The following AGMO variants were observed in gnomAD, a reference collection of about 807,000 sequenced individuals.
AGMO encodes the protein alkylglycerol monooxygenase.
AGMO carries 75 observed loss-of-function variants against 60.2 expected under a neutral mutation model. That is an observed-to-expected ratio of 1.25 (90% CI 1.03 to 1.51). AGMO has a LOEUF of 1.51. AGMO is among the 40% of genes most tolerant of loss of function. The probability of loss-of-function intolerance (pLI) is 0.00; values close to 1 mark genes in which losing one functional copy is unlikely to be tolerated. For missense variants in AGMO, 763 were observed against 525.5 expected, an observed-to-expected ratio of 1.45 and a Z score of -4.42; for synonymous variants, 261 against 177.1, an observed-to-expected ratio of 1.47 and a Z score of -3.76.
chr7:15,531,347 CTATATATATTCTATAT>C (rs1562557055), intron 3 of AGMO, among the ~76,000 whole-genome samples: 54 of 51,250 alleles, frequency 1.1e-3, no homozygotes, highest in African/African-American at 5.0e-3. Flanking sequence ...TATATATATT[CTATATATATTCTATAT>C]ATATATTCTA....
At chr7:15,452,477 TA>T (rs879883448) in intron 3 of AGMO, among the ~76,000 whole-genome samples, 1 of 152,120 alleles carries the variant, frequency 6.6e-6, no homozygotes, top group Non-Finnish European at 1.5e-5. Flanking sequence ...AGTAAGCACA[TA>T]AAAAATGCAT....
downstream of AGMO, among the ~76,000 whole-genome samples, chr7:15,199,499 AT>A (rs1781218726): frequency 6.6e-6 from 1 of 152,206 alleles, no homozygotes; most frequent in African/African-American, 2.4e-5. Context: ...TCCTTGGGGA[AT>A]CATTAAGCTC....
intron 3 of AGMO, among the ~76,000 whole-genome samples, chr7:15,507,394 T>C (rs1783542931): frequency 6.6e-6 from 1 of 151,974 alleles, no homozygotes; most frequent in South Asian, 2.1e-4. Flanking sequence ...AAAGTCAAAC[T>C]TGAATCTTAT....
chr7:15,503,969 G>A (rs536670192), intron 3 of AGMO, among the ~76,000 whole-genome samples: 135 of 152,036 alleles, frequency 8.9e-4, no homozygotes, highest in African/African-American at 3.2e-3. Context: ...CTGATTCTGC[G>A]TAATTCTGAA....
the AGMO span, among the ~76,000 whole-genome samples, chr7:15,190,732 A>G: frequency 1.3e-5 from 2 of 152,170 alleles, no homozygotes; most frequent in Non-Finnish European, 2.9e-5. Flanking sequence ...TCTGATCAAA[A>G]CAGAAAGAGT....
chr7:15,236,578 T>A (rs761791749), intron 12 of AGMO, among the ~76,000 whole-genome samples: 1 of 152,110 alleles, frequency 6.6e-6, no homozygotes, highest in Non-Finnish European at 1.5e-5. Flanking sequence ...AATAATCAGT[T>A]ATAAGGCTGA....
chr7:15,117,563 T>G, the AGMO span, among the ~76,000 whole-genome samples: 1 of 151,972 alleles, frequency 6.6e-6, no homozygotes, highest in Non-Finnish European at 1.5e-5. Context: ...AAAAATTACC[T>G]ACTGGGTACA....
At chr7:15,294,115 G>A (rs1583373713) in intron 12 of AGMO, among the ~76,000 whole-genome samples, 1 of 152,072 alleles carries the variant, frequency 6.6e-6, no homozygotes, top group Non-Finnish European at 1.5e-5. Context: ...AATAAAGCAG[G>A]TTTTTCAAAC....
At chr7:15,188,339 G>A in the AGMO span, among the ~76,000 whole-genome samples, 1 of 152,142 alleles carries the variant, frequency 6.6e-6, no homozygotes, top group South Asian at 2.1e-4. Flanking sequence ...TTATTGTGAG[G>A]ATCACATGAG....
chr7:15,459,744 G>C (rs1767663052), intron 3 of AGMO, among the ~76,000 whole-genome samples: 1 of 151,786 alleles, frequency 6.6e-6, no homozygotes, highest in Non-Finnish European at 1.5e-5. Context: ...GACTGTATTT[G>C]ACTCAGTTTA....
intron 3 of AGMO, among the ~76,000 whole-genome samples, chr7:15,459,238 G>A (rs771532289): frequency 6.6e-6 from 1 of 152,140 alleles, no homozygotes; most frequent in Admixed American, 6.5e-5. Context: ...ATCACCCAAT[G>A]AGTTGTTTTG....
intron 3 of AGMO, among the ~76,000 whole-genome samples, chr7:15,470,008 A>C (rs1301349087): frequency 6.6e-6 from 1 of 152,032 alleles, no homozygotes; most frequent in Non-Finnish European, 1.5e-5. Context: ...AACAGCAAAA[A>C]CCCAATAAAA....
the AGMO span, among the ~76,000 whole-genome samples, chr7:15,144,176 G>GT: frequency 2.0e-5 from 3 of 151,778 alleles, no homozygotes; most frequent in Non-Finnish European, 4.4e-5. Flanking sequence ...GATTCTGTGG[G>GT]TTTTTTTTCT....
chr7:15,148,887 T>C, the AGMO span, among the ~76,000 whole-genome samples: 1 of 152,064 alleles, frequency 6.6e-6, no homozygotes, highest in Non-Finnish European at 1.5e-5. Context: ...TTGAGAAAAC[T>C]CCGAACTGCT....
intron 3 of AGMO, among the ~76,000 whole-genome samples, chr7:15,530,660 CGTATTTCTATATATATATTCTATATAT>C (rs1562555955): frequency 2.0e-4 from 25 of 126,070 alleles, no homozygotes; most frequent in African/African-American, 5.6e-4. Flanking sequence ...ATTCTATATA[CGTATTTCTATATATATATTCTATATAT>C]GTATTTCTAC....
At chr7:15,502,959 A>G (rs1783425021) in intron 3 of AGMO, among the ~76,000 whole-genome samples, 1 of 151,896 alleles carries the variant, frequency 6.6e-6, no homozygotes, top group Non-Finnish European at 1.5e-5. Flanking sequence ...AATAAAAATG[A>G]TTTCCCTCAC....
chr7:15,500,437 G>A lies in AGMO; in HGVS notation c.409+44335C>T, dbSNP rs540056084. On this transcript the variant is annotated intron_variant, in intron 3 of 12. Transcript: ENST00000342526. ...AGATTTTTAAAAAGTAATCCAAGAA[G>A]GAAAACCCTACAGTATTTATTTTTA... Among the ~76,000 whole-genome samples the A allele has an allele frequency of 2.0e-5, 3 of 151,794 alleles. No homozygotes were observed. The South Asian group carries it at 6.2e-4, about 32-fold the overall frequency.
At chr7:15,541,949 AT>A (rs1252846317) in intron 3 of AGMO, among the ~76,000 whole-genome samples, 3 of 152,092 alleles carry the variant, frequency 2.0e-5, no homozygotes, top group Non-Finnish European at 2.9e-5. Context: ...GTAGGATTTG[AT>A]TTTTTTCTTA....
At chr7:15,282,497 C>G (rs1783995975) in intron 12 of AGMO, among the ~76,000 whole-genome samples, 1 of 152,006 alleles carries the variant, frequency 6.6e-6, no homozygotes, top group Non-Finnish European at 1.5e-5. Context: ...TGAAACAAGT[C>G]TTTCAAGTCA....
Sources: gnomAD v4.1 joint callset for allele counts (sites outside exome capture counted in the v4.1 genomes callset) on GRCh38, gnomAD v4.1.1 for gene constraint, MANE v1.5 for transcripts, NCBI Gene and HGNC (gene_info 2026-07-23, HGNC 2026-07-21) for gene names.